CCNT2: variants seen among roughly 807,000 people sequenced by gnomAD.
CCNT2 encodes cyclin T2, also known as cyclin-T2.
In CCNT2, 18 loss-of-function variants were observed where a neutral mutation model predicts 70.0. The observed-to-expected ratio is 0.26, with a 90% CI of 0.18 to 0.38. The LOEUF is 0.38. Ranked by LOEUF, CCNT2 falls within the 10% of genes least tolerant of loss-of-function variation. The pLI is 1.00. For synonymous variants in CCNT2, 334 were observed against 313.3 expected, an observed-to-expected ratio of 1.07 and a Z score of -0.70; for missense variants, 734 against 890.2, an observed-to-expected ratio of 0.82 and a Z score of 2.23.
chr2:134,943,788 C>T, intron 5 of CCNT2: 1 of 985,294 alleles, frequency 1.0e-6, no homozygotes. Context: ...TCATAGCAAC[C>T]ACTTGGGACT....
chr2:134,953,100 T>TGAACCCCA, intron 8 of CCNT2, 130 bp from the exon 9 acceptor site: 1 of 638,288 alleles, frequency 1.6e-6, no homozygotes. Context: ...CATAAAATCT[T>TGAACCCCA]GAACCCCAGG....
chr2:134,932,492 G>C (rs901518127), intron 2 of CCNT2, among the ~76,000 whole-genome samples: 2 of 152,112 alleles, frequency 1.3e-5, no homozygotes, highest in African/African-American at 4.8e-5. Context: ...TTTTGGGGCC[G>C]TTATTAACCC....
intron 2 of CCNT2, among the ~76,000 whole-genome samples, chr2:134,928,304 G>GTTTTT (rs1680456120): frequency 2.0e-5 from 2 of 97,708 alleles, no homozygotes; most frequent in African/African-American, 8.0e-5. Context: ...CTGAGACGGA[G>GTTTTT]TTTCATTCTT....
chr2:134,945,669 G>A (rs1681903323), intron 5 of CCNT2: 6 of 1,231,592 alleles, frequency 4.9e-6, no homozygotes, highest in Non-Finnish European at 4.1e-6. Flanking sequence ...TGTTTTTGAT[G>A]GAAGTATTTA....
intron 3 of CCNT2, among the ~76,000 whole-genome samples, chr2:134,938,514 G>T (rs916966986): frequency 6.6e-6 from 1 of 152,092 alleles, no homozygotes; most frequent in African/African-American, 2.4e-5. Context: ...GGTATGTTTG[G>T]TCATTTCTAA....
chr2:134,930,828 A>G (rs2105032523), intron 2 of CCNT2, among the ~76,000 whole-genome samples: 1 of 152,206 alleles, frequency 6.6e-6, no homozygotes, highest in East Asian at 1.9e-4. Flanking sequence ...TTGATAGCAT[A>G]TCTAAGAAAC....
intron 3 of CCNT2, among the ~76,000 whole-genome samples, chr2:134,937,333 T>G (rs1203764482): frequency 6.6e-6 from 1 of 152,218 alleles, no homozygotes; most frequent in Non-Finnish European, 1.5e-5. Flanking sequence ...TGTCAACAGA[T>G]GAAGGAACAG....
chr2:134,927,016 A>C (rs749587729), intron 2 of CCNT2, among the ~76,000 whole-genome samples: 1 of 152,260 alleles, frequency 6.6e-6, no homozygotes, highest in Non-Finnish European at 1.5e-5. Flanking sequence ...CCCACTGGAA[A>C]TGAGTGTAAG....
At chr2:134,943,285 C>T in intron 5 of CCNT2, 1 of 388,218 alleles carries the variant, frequency 2.6e-6, no homozygotes, top group Non-Finnish European at 3.5e-6. Context: ...CATGTAGTCT[C>T]AACTATTCAG....
At chr2:134,939,626 T>C (rs1681419572) in intron 4 of CCNT2, among the ~76,000 whole-genome samples, 1 of 151,962 alleles carries the variant, frequency 6.6e-6, no homozygotes, top group Admixed American at 6.6e-5. Flanking sequence ...CTGCCACACC[T>C]GGTTATTTTT....
At chr2:134,927,175 A>G (rs1443071537) in intron 2 of CCNT2, among the ~76,000 whole-genome samples, 1 of 152,212 alleles carries the variant, frequency 6.6e-6, no homozygotes, top group African/African-American at 2.4e-5. Flanking sequence ...GCTACTCTAG[A>G]ACTTCCCCAG....
chr2:134,945,554 C>CCT, intron 5 of CCNT2: 1 of 985,246 alleles, frequency 1.0e-6, no homozygotes, highest in Non-Finnish European at 1.2e-6. Context: ...TGTATCTGTA[C>CCT]CCGTATGCTG....
intron 1 of CCNT2, among the ~76,000 whole-genome samples, chr2:134,919,473 T>G (rs3769026): frequency 0.36 from 54,014 of 151,084 alleles, 10,510 homozygotes; most frequent in Middle Eastern, 0.67. Context: ...CGTACTGGAG[T>G]TCTTTATGTT....
chr2:134,929,393 G>A (rs1346577346), intron 2 of CCNT2, among the ~76,000 whole-genome samples: 3 of 151,934 alleles, frequency 2.0e-5, no homozygotes, highest in East Asian at 3.9e-4. Flanking sequence ...TTGAAACCAG[G>A]ACTTCAAGAC....
intron 2 of CCNT2, among the ~76,000 whole-genome samples, chr2:134,933,073 C>T (rs947896312): frequency 2.0e-5 from 3 of 152,122 alleles, no homozygotes; most frequent in African/African-American, 7.2e-5. Flanking sequence ...GAAATGGCAT[C>T]ACTAGCCTAT....
At position 134,919,908 on chromosome 2, in the gene CCNT2, T is replaced by C. The variant is rs1299690693; in HGVS notation, c.240+17T>C. 1.9e-6 allele frequency: 3 copies of C among 1,561,830 alleles called. No individual in the cohort carries two copies. Among genetic ancestry groups the C allele is most frequent in the Non-Finnish European group, 2.6e-6 (3 of 1,139,138 alleles). ...AACAAAAATGTAAGTACTAGTTGTC[T>C]GTTTTTACTGTCCGCAAATTTGAGG... On this transcript the variant is annotated intron_variant, in intron 2 of 8. Transcript: ENST00000264157.
chr2:134,946,279 GTTTGC>G (rs1169713662), intron 6 of CCNT2, 133 bp downstream of exon 6: 1 of 1,288,702 alleles, frequency 7.8e-7, no homozygotes. Context: ...GTACCTTCCT[GTTTGC>G]TTTGCGGTGT....
chr2:134,948,018 G>T, intron 7 of CCNT2, 119 bp downstream of exon 7: 1 of 529,386 alleles, frequency 1.9e-6, no homozygotes. Context: ...CAATTCATCA[G>T]CCTAAAGAAA....
chr2:134,941,894 C>A (rs964915848), intron 4 of CCNT2, among the ~76,000 whole-genome samples: 1 of 152,090 alleles, frequency 6.6e-6, no homozygotes, highest in Non-Finnish European at 1.5e-5. Flanking sequence ...ATATAGACCA[C>A]ACAACAACTT....
Sources: gnomAD v4.1 joint callset for allele counts (sites outside exome capture counted in the v4.1 genomes callset) on GRCh38, gnomAD v4.1.1 for gene constraint, MANE v1.5 for transcripts, NCBI Gene and HGNC (gene_info 2026-07-23, HGNC 2026-07-21) for gene names.